Variants in SPMIP2 observed in about 807,000 individuals in gnomAD.
The protein encoded by SPMIP2 is sperm microtubule inner protein 2.
At chr4:159,026,279 T>A in the SPMIP2 span, 1 of 564,330 alleles carries the variant, frequency 1.8e-6, no homozygotes. Context: ...AACCTCACCA[T>A]AAAAACTCAG....
chr4:158,911,390 A>AATAAAATAC, the SPMIP2 span, among the ~76,000 whole-genome samples: 1 of 151,828 alleles, frequency 6.6e-6, no homozygotes, highest in Non-Finnish European at 1.5e-5. Flanking sequence ...AAATAAAATA[A>AATAAAATAC]ATAAAAGCCC....
the SPMIP2 span, among the ~76,000 whole-genome samples, chr4:158,894,233 T>C: frequency 6.6e-6 from 1 of 151,192 alleles, no homozygotes; most frequent in Non-Finnish European, 1.5e-5. Context: ...TGCAGTAGTA[T>C]GATGTTGGCT....
the SPMIP2 span, among the ~76,000 whole-genome samples, chr4:159,069,530 G>A: frequency 2.0e-5 from 3 of 150,290 alleles, no homozygotes; most frequent in Non-Finnish European, 4.4e-5. Context: ...ACCTCCCCAG[G>A]CTCAAGAAAT....
chr4:159,051,168 C>T, the SPMIP2 span, among the ~76,000 whole-genome samples: 1 of 151,632 alleles, frequency 6.6e-6, no homozygotes, highest in African/African-American at 2.4e-5. Flanking sequence ...TTTGCATTTT[C>T]TTACAGAAAC....
the SPMIP2 span, chr4:159,007,634 T>A: frequency 1.1e-6 from 1 of 905,120 alleles, no homozygotes; most frequent in Non-Finnish European, 1.7e-6. Context: ...AACGTCGGGA[T>A]GCTGTGGCCA....
the SPMIP2 span, among the ~76,000 whole-genome samples, chr4:158,963,935 C>A: frequency 2.0e-5 from 3 of 152,018 alleles, no homozygotes. Context: ...GCGGGCAGAT[C>A]ATGAGGTCAG....
the SPMIP2 span, among the ~76,000 whole-genome samples, chr4:159,043,172 G>C: frequency 1.4e-4 from 22 of 151,876 alleles, no homozygotes; most frequent in African/African-American, 5.1e-4. Context: ...AACATGTTTC[G>C]AGTTATTTTC....
At chr4:159,010,954 G>A in the SPMIP2 span, among the ~76,000 whole-genome samples, 22 of 152,082 alleles carry the variant, frequency 1.4e-4, no homozygotes, top group East Asian at 4.2e-3. Flanking sequence ...AATTGTCATC[G>A]AATTTTACTC....
At chr4:159,072,204 C>T in the SPMIP2 span, among the ~76,000 whole-genome samples, 1 of 152,064 alleles carries the variant, frequency 6.6e-6, no homozygotes, top group Non-Finnish European at 1.5e-5. Flanking sequence ...GTCATAGCCA[C>T]TCAGGAATCT....
chr4:159,001,983 C>T, the SPMIP2 span, among the ~76,000 whole-genome samples: 2 of 152,222 alleles, frequency 1.3e-5, no homozygotes, highest in Admixed American at 1.3e-4. Context: ...TGCTCTGCAT[C>T]CTCGCCAGCA....
At chr4:158,991,672 A>G in the SPMIP2 span, among the ~76,000 whole-genome samples, 4 of 152,300 alleles carry the variant, frequency 2.6e-5, no homozygotes, top group South Asian at 8.3e-4. Flanking sequence ...TTCACTTAGA[A>G]CTACTTTGAT....
chr4:158,944,216 C>T, the SPMIP2 span, among the ~76,000 whole-genome samples: 4,305 of 152,092 alleles, frequency 0.028, 76 homozygotes, highest in Non-Finnish European at 0.044. Flanking sequence ...TTCCACTTCA[C>T]CTCCCATTCA....
chr4:159,002,995 ATTT>A, the SPMIP2 span, among the ~76,000 whole-genome samples: 1 of 152,016 alleles, frequency 6.6e-6, no homozygotes, highest in Non-Finnish European at 1.5e-5. Flanking sequence ...CTAAAACGTC[ATTT>A]TCTATGAAAG....
chr4:159,082,621 C>T, the SPMIP2 span, among the ~76,000 whole-genome samples: 1 of 151,846 alleles, frequency 6.6e-6, no homozygotes, highest in Admixed American at 6.6e-5. Flanking sequence ...ATATTATCTT[C>T]AAATAAATAT....
chr4:158,896,194 C>T, the SPMIP2 span, among the ~76,000 whole-genome samples: 1 of 152,196 alleles, frequency 6.6e-6, no homozygotes, highest in Non-Finnish European at 1.5e-5. Flanking sequence ...AAGTCACAAG[C>T]TGTGGGACAT....
the SPMIP2 span, among the ~76,000 whole-genome samples, chr4:159,062,069 G>A: frequency 2.6e-5 from 4 of 152,180 alleles, no homozygotes; most frequent in Non-Finnish European, 4.4e-5. Context: ...CGTGTGTGTC[G>A]GGAGCTAGAC....
chr4:159,008,082 G>A, the SPMIP2 span, among the ~76,000 whole-genome samples: 7 of 151,924 alleles, frequency 4.6e-5, no homozygotes, highest in Admixed American at 2.0e-4. Context: ...AAATAAATAA[G>A]TAGATACAGT....
chr4:158,965,183 C>T, the SPMIP2 span, among the ~76,000 whole-genome samples: 2 of 152,018 alleles, frequency 1.3e-5, no homozygotes, highest in Admixed American at 6.6e-5. Flanking sequence ...TTTTAATTTT[C>T]TCCCAGTATC....
chr4:159,004,310 A>ATTTTTTTTT, the SPMIP2 span, among the ~76,000 whole-genome samples: 1 of 4,440 alleles, frequency 2.3e-4, no homozygotes, highest in African/African-American at 6.8e-4. Context: ...TTTTTTTTTG[A>ATTTTTTTTT]GATGGATTCT....
Sources: allele counts gnomAD v4.1 joint callset (sites outside exome capture counted in the v4.1 genomes callset), GRCh38; gene constraint gnomAD v4.1.1; transcripts MANE v1.5; gene names NCBI Gene and HGNC (gene_info 2026-07-23, HGNC 2026-07-21).